Variants in IL1RAPL1 observed in about 807,000 individuals in gnomAD.
The protein encoded by IL1RAPL1 is interleukin-1 receptor accessory protein-like 1.
In IL1RAPL1, 3 loss-of-function variants were observed where a neutral mutation model predicts 48.4. That is an observed-to-expected ratio of 0.06 (90% CI 0.03 to 0.16). The LOEUF (loss-of-function observed/expected upper bound fraction) is 0.16. Among genes scored for constraint, IL1RAPL1 ranks in the 10% least tolerant of loss-of-function variants. IL1RAPL1 has a pLI of 1.00. For missense variants in IL1RAPL1, 349 were observed against 530.6 expected (o/e 0.66, Z 3.36); for synonymous variants, 185 against 187.7 (o/e 0.99, Z 0.12).
intron 2 of IL1RAPL1, among the ~76,000 whole-genome samples, chrX:28,932,487 A>G (rs1923910642): frequency 9.0e-6 from 1 of 111,617 alleles, no homozygotes; most frequent in South Asian, 3.7e-4. Flanking sequence ...ATATGGATAA[A>G]TACATCTTCA....
intron 2 of IL1RAPL1, among the ~76,000 whole-genome samples, chrX:29,148,198 ACT>A (rs1364532513): frequency 8.9e-6 from 1 of 112,118 alleles, no homozygotes; most frequent in Non-Finnish European, 1.9e-5. Context: ...TATGTGATAT[ACT>A]CTCTAGATGT....
At chrX:29,883,840 C>T (rs915240031) in intron 6 of IL1RAPL1, among the ~76,000 whole-genome samples, 17 of 112,096 alleles carry the variant, frequency 1.5e-4, no homozygotes, top group African/African-American at 3.2e-4. Context: ...TTTTCTTTGA[C>T]GTGAGATTGA....
chrX:29,800,209 T>C (rs905674568), intron 6 of IL1RAPL1, among the ~76,000 whole-genome samples: 4 of 111,220 alleles, frequency 3.6e-5, no homozygotes, highest in African/African-American at 1.3e-4. Context: ...GATGAACAAC[T>C]GTAGGCCAGG....
intron 5 of IL1RAPL1, among the ~76,000 whole-genome samples, chrX:29,596,252 T>A (rs763583250): frequency 8.9e-6 from 1 of 111,870 alleles, no homozygotes; most frequent in East Asian, 2.8e-4. Flanking sequence ...GGACGGCTTT[T>A]CTAGTTCTGT....
intron 2 of IL1RAPL1, among the ~76,000 whole-genome samples, chrX:29,082,185 T>G (rs970708449): frequency 8.9e-6 from 1 of 112,176 alleles, no homozygotes; most frequent in African/African-American, 3.2e-5. Flanking sequence ...CAGCCGTACA[T>G]GGAATTTTGA....
At chrX:28,870,475 A>G (rs756595117) in intron 2 of IL1RAPL1, among the ~76,000 whole-genome samples, 2 of 111,710 alleles carry the variant, frequency 1.8e-5, no homozygotes, top group African/African-American at 6.5e-5. Flanking sequence ...ACTTCCTTGA[A>G]CTTTTAAAAT....
chrX:29,388,567 T>C (rs1372554919), intron 3 of IL1RAPL1, among the ~76,000 whole-genome samples: 1 of 112,484 alleles, frequency 8.9e-6, no homozygotes, highest in Non-Finnish European at 1.9e-5. Flanking sequence ...TGGAATGTGA[T>C]ATATCATACA....
chrX:28,940,686 G>T (rs1269568576), intron 2 of IL1RAPL1, among the ~76,000 whole-genome samples: 1 of 110,934 alleles, frequency 9.0e-6, no homozygotes, highest in Non-Finnish European at 1.9e-5. Flanking sequence ...GAAATGGAAA[G>T]TCACAGCCAA....
intron 3 of IL1RAPL1, among the ~76,000 whole-genome samples, chrX:29,336,752 C>A (rs1933002579): frequency 9.0e-6 from 1 of 111,330 alleles, no homozygotes; most frequent in South Asian, 3.8e-4. Context: ...GGGGGGAAAT[C>A]CAGTGAGGCA....
chrX:29,747,093 G>C (rs1471106674), intron 6 of IL1RAPL1, among the ~76,000 whole-genome samples: 1 of 112,463 alleles, frequency 8.9e-6, no homozygotes, highest in African/African-American at 3.2e-5. Context: ...GCTGAACTGA[G>C]TTGAGGTAAT....
At chrX:29,639,250 C>T (rs1049492467) in intron 5 of IL1RAPL1, among the ~76,000 whole-genome samples, 1 of 110,026 alleles carries the variant, frequency 9.1e-6, no homozygotes, top group Admixed American at 9.6e-5. Context: ...TGTTTGTTTC[C>T]AGTTTTCTCT....
At chrX:28,722,766 C>T (rs891791291) in intron 1 of IL1RAPL1, among the ~76,000 whole-genome samples, 2 of 111,414 alleles carry the variant, frequency 1.8e-5, no homozygotes, top group African/African-American at 6.5e-5. Context: ...AGATACGTCC[C>T]ATCAATACCT....
intron 2 of IL1RAPL1, among the ~76,000 whole-genome samples, chrX:28,865,390 G>C (rs1922053467): frequency 1.9e-5 from 2 of 107,110 alleles, no homozygotes; most frequent in South Asian, 8.3e-4. Context: ...AGTGAGCCGA[G>C]ATCATGCCAC....
intron 2 of IL1RAPL1, among the ~76,000 whole-genome samples, chrX:28,885,960 G>A (rs1175244217): frequency 2.7e-5 from 3 of 110,568 alleles, no homozygotes; most frequent in Non-Finnish European, 5.7e-5. Context: ...CAGTTAAATA[G>A]TAACAAAAAT....
At chrX:29,313,367 CCTTT>C (rs773082359) in intron 3 of IL1RAPL1, among the ~76,000 whole-genome samples, 5 of 110,614 alleles carry the variant, frequency 4.5e-5, no homozygotes, top group South Asian at 7.7e-4. Context: ...TCTGTACCTT[CCTTT>C]CTATTTTAAT....
At chrX:29,837,272 A>AATAT (rs1229668903) in intron 6 of IL1RAPL1, among the ~76,000 whole-genome samples, 795 of 71,864 alleles carry the variant, frequency 0.011, 21 homozygotes, top group Admixed American at 0.023. Context: ...AAAAAAAAAA[A>AATAT]ATATATATAT....
chrX:29,558,006 A>G (rs763167247), intron 5 of IL1RAPL1, among the ~76,000 whole-genome samples: 101 of 111,776 alleles, frequency 9.0e-4, no homozygotes, highest in Non-Finnish European at 1.7e-3. Flanking sequence ...ATGGGAGTGC[A>G]GATATCTCTC....
rs1376092180 is a variant in IL1RAPL1 at position 29,381,828 on chromosome X, AAAAAAATATATATATAT to A, written c.363-14428_363-14412del. Among the ~76,000 whole-genome samples, 59 of 39,733 alleles carry A rather than the reference AAAAAAATATATATATAT, an allele frequency of 1.5e-3. 1 individual carries two copies. The highest frequency in any genetic ancestry group is 3.6e-3 in the African/African-American group (55 of 15,436). The allele number at this position is 39,733 out of a possible 115,157, so 34.5% of individuals were successfully genotyped here. ...AAGACTGTTGCCAAAAAAAAAAAAA[AAAAAAATATATATATAT>A]ATATATATATATATATATACATATA... On this transcript the variant is annotated intron_variant, in intron 3 of 10. Transcript: ENST00000378993.
chrX:29,728,799 G>A (rs1383000635), intron 6 of IL1RAPL1, among the ~76,000 whole-genome samples: 1 of 112,344 alleles, frequency 8.9e-6, no homozygotes, highest in Non-Finnish European at 1.9e-5. Context: ...TCAGCTGAGT[G>A]GTTCTGATAT....
Sources: allele counts gnomAD v4.1 joint callset (sites outside exome capture counted in the v4.1 genomes callset), GRCh38; gene constraint gnomAD v4.1.1; transcripts MANE v1.5; gene names NCBI Gene and HGNC (gene_info 2026-07-23, HGNC 2026-07-21).